CAB39: variants seen among roughly 807,000 people sequenced by gnomAD.
The protein encoded by CAB39 is calcium binding protein 39.
CAB39 carries 8 observed loss-of-function variants against 40.0 expected under a neutral mutation model. The ratio of observed to expected loss-of-function variants is 0.20; its 90% confidence interval spans 0.12 to 0.36. The LOEUF (loss-of-function observed/expected upper bound fraction) is 0.36. Ranked by LOEUF, CAB39 falls within the 10% of genes least tolerant of loss-of-function variation. The pLI, the probability that CAB39 is intolerant of heterozygous loss-of-function variation, is 1.00. For missense variants in CAB39, 270 were observed against 401.1 expected (o/e 0.67, Z 2.79); for synonymous variants, 156 against 141.6 (o/e 1.10, Z -0.72).
intron 5 of CAB39, among the ~76,000 whole-genome samples, chr2:230,808,784 G>A (rs925484152): frequency 6.6e-6 from 1 of 152,220 alleles, no homozygotes; most frequent in Admixed American, 6.5e-5. Flanking sequence ...TTGGGGTGGG[G>A]TTAGAAACCT....
intron 2 of CAB39, among the ~76,000 whole-genome samples, chr2:230,763,270 A>G (rs941483610): frequency 1.2e-4 from 19 of 152,198 alleles, no homozygotes; most frequent in African/African-American, 4.1e-4. Context: ...CTGCTCAAAC[A>G]TTATTTTGCT....
Position 230,759,955 on chromosome 2 carries a change from C to G in CAB39, c.-43-4C>G. On this transcript the variant is annotated splice_region_variant and splice_polypyrimidine_tract_variant and intron_variant, in intron 1 of 8. Transcript: ENST00000258418. Reference sequence around the variant, plus strand: ...GCTCACATGAACCTTGTGCTGTGTTCTAGGTAGCACAGGCGGAGTGCAGCG... The same window carrying G: ...GCTCACATGAACCTTGTGCTGTGTTGTAGGTAGCACAGGCGGAGTGCAGCG... 9.9e-7 allele frequency: 1 copy of G among 1,005,636 alleles called. No individual in the cohort carries two copies. The highest frequency in any genetic ancestry group is 1.6e-6 in the Non-Finnish European group (1 of 629,410). The allele number at this position is 1,005,636 out of a possible 1,614,324, so 62.3% of individuals were successfully genotyped here. A position where few individuals can be genotyped will look rare whatever the true frequency, so the allele number is the denominator to read the frequency against.
chr2:230,725,469 G>A (rs1694550135), intron 1 of CAB39: 2 of 1,320,012 alleles, frequency 1.5e-6, no homozygotes, highest in Non-Finnish European at 2.2e-6. Flanking sequence ...GGCCACTCCT[G>A]CGGATACCTC....
Position 230,819,537 on chromosome 2 carries a change from A to G in CAB39, c.*833A>G, listed in dbSNP as rs775157563. On this transcript the variant is annotated 3_prime_UTR_variant, in exon 9 of 9. Transcript: ENST00000258418. ...TTAATTTGTACAGCAGAGGAATGTT[A>G]TTGTAGTAGTATGTAACTATTACCT... 6 of 152,680 alleles carry G rather than the reference A, an allele frequency of 3.9e-5. No homozygotes were observed. Among genetic ancestry groups the G allele is most frequent in the Non-Finnish European group, 1.5e-5 (1 of 68,046 alleles). 9.5% of individuals were successfully genotyped at this position (152,680 alleles called of 1,614,324 possible).
chr2:230,725,135 A>T, intron 1 of CAB39: 1 of 1,613,028 alleles, frequency 6.2e-7, no homozygotes, highest in South Asian at 1.1e-5. Flanking sequence ...AGAGCTTCCC[A>T]GAGAGCATCA....
In CAB39 at chr2:230,760,125, T is replaced by C. The variant is rs551356443; in HGVS notation, c.114+10T>C. The C allele has an allele frequency of 2.6e-6, 4 of 1,532,348 alleles. No individual in the cohort carries two copies. The highest frequency in any genetic ancestry group is 3.6e-6 in the Non-Finnish European group (4 of 1,106,626). 94.9% of individuals were successfully genotyped at this position (1,532,348 alleles called of 1,614,324 possible). Reference sequence around the variant, plus strand: ...TAAAAAAGCAGAAAAGGTATGGATTTGGCTTTATTTATATTTGAAATATCT... The same window carrying C: ...TAAAAAAGCAGAAAAGGTATGGATTCGGCTTTATTTATATTTGAAATATCT... On this transcript the variant is annotated intron_variant, in intron 2 of 8. Coordinates refer to ENST00000258418, the MANE Select transcript of CAB39 (RefSeq NM_016289.4).
rs137891830 is a variant in CAB39 at position 230,816,724 on chromosome 2, C to G, written c.694-1030C>G. 2.5e-3 allele frequency among the ~76,000 whole-genome samples: 380 copies of G among 152,354 alleles called. 2 individuals carry two copies. Among genetic ancestry groups the G allele is most frequent in the African/African-American group, 8.4e-3 (351 of 41,586 alleles). On this transcript the variant is annotated intron_variant, in intron 7 of 8. Transcript: ENST00000258418. ...TCTGCAGATACAGGCCTGATACGTG[C>G]TTTGCACACTGATGCTCGTTTCTCA...
At chr2:230,742,475 A>G (rs766403446) in intron 1 of CAB39, among the ~76,000 whole-genome samples, 12 of 152,184 alleles carry the variant, frequency 7.9e-5, no homozygotes, top group Non-Finnish European at 1.2e-4. Flanking sequence ...ACGCCTGGCC[A>G]ATAAATCTTG....
At chr2:230,714,015 C>T (rs1426044840) in intron 1 of CAB39, 1 of 152,354 alleles carries the variant, frequency 6.6e-6, no homozygotes. Flanking sequence ...TGAGCAGAGT[C>T]TTGAAGGCCT....
At chr2:230,813,106 A>G (rs188841063) in intron 6 of CAB39, among the ~76,000 whole-genome samples, 5 of 152,348 alleles carry the variant, frequency 3.3e-5, no homozygotes, top group Admixed American at 2.0e-4. Context: ...AAGATCCAAC[A>G]GTCATACTAG....
At chr2:230,718,084 G>T (rs1327254748) in intron 1 of CAB39, among the ~76,000 whole-genome samples, 9 of 152,136 alleles carry the variant, frequency 5.9e-5, no homozygotes, top group Non-Finnish European at 1.2e-4. Flanking sequence ...TTCAAAGATG[G>T]GGAAAATCTA....
intron 2 of CAB39, among the ~76,000 whole-genome samples, chr2:230,781,423 C>T (rs1695684607): frequency 6.6e-6 from 1 of 152,136 alleles, no homozygotes; most frequent in Non-Finnish European, 1.5e-5. Flanking sequence ...ACCGAATGTG[C>T]ACAAGTTCCA....
At chr2:230,756,610 G>C (rs1695194624) in intron 1 of CAB39, among the ~76,000 whole-genome samples, 1 of 152,006 alleles carries the variant, frequency 6.6e-6, no homozygotes, top group Admixed American at 6.6e-5. Flanking sequence ...TGATTTTTGA[G>C]AATTATTACA....
At chr2:230,714,583 C>A (rs571163656) in intron 1 of CAB39, among the ~76,000 whole-genome samples, 1 of 152,202 alleles carries the variant, frequency 6.6e-6, no homozygotes, top group Non-Finnish European at 1.5e-5. Flanking sequence ...TTTGGAATTA[C>A]TAAGCTAAAC....
intron 1 of CAB39, among the ~76,000 whole-genome samples, chr2:230,753,707 G>A (rs537136986): frequency 7.0e-6 from 1 of 143,872 alleles, no homozygotes; most frequent in Non-Finnish European, 1.5e-5. Flanking sequence ...TCGCACCACT[G>A]CACTCCATCC....
At chr2:230,785,727 CTCTG>C (rs1400954745) in intron 2 of CAB39, among the ~76,000 whole-genome samples, 1 of 151,810 alleles carries the variant, frequency 6.6e-6, no homozygotes, top group Admixed American at 6.6e-5. Context: ...CAGGGTCTTG[CTCTG>C]TCACCCAAGC....
chr2:230,771,888 A>G (rs967233541), intron 2 of CAB39, among the ~76,000 whole-genome samples: 2 of 152,236 alleles, frequency 1.3e-5, no homozygotes, highest in African/African-American at 4.8e-5. Context: ...ACTATTTAGT[A>G]GGCAGAAAGA....
chr2:230,805,931 C>G (rs537252544), intron 5 of CAB39, among the ~76,000 whole-genome samples: 13 of 152,240 alleles, frequency 8.5e-5, no homozygotes, highest in African/African-American at 3.1e-4. Context: ...GCATACTTAT[C>G]AAATGTGTAG....
intron 1 of CAB39, among the ~76,000 whole-genome samples, chr2:230,720,920 C>G (rs886485546): frequency 1.3e-5 from 2 of 152,174 alleles, no homozygotes; most frequent in Admixed American, 6.5e-5. Context: ...TCTCTAGTTA[C>G]AGTATGGTTT....
Sources: allele counts gnomAD v4.1 joint callset (sites outside exome capture counted in the v4.1 genomes callset), GRCh38; gene constraint gnomAD v4.1.1; transcripts MANE v1.5; gene names NCBI Gene and HGNC (gene_info 2026-07-23, HGNC 2026-07-21).